The following SGCZ variants were observed in gnomAD, a reference collection of about 807,000 sequenced individuals.
The protein encoded by SGCZ is zeta-sarcoglycan.
SGCZ carries 40 observed loss-of-function variants against 41.3 expected under a neutral mutation model. That is an observed-to-expected ratio of 0.97 (90% CI 0.75 to 1.26). The LOEUF is 1.26. Ranked by LOEUF, SGCZ falls within the 50% of genes most tolerant of loss-of-function variation. The probability of loss-of-function intolerance (pLI) is 0.00; values close to 1 mark genes in which losing one functional copy is unlikely to be tolerated. For missense variants in SGCZ, 552 were observed against 369.8 expected (o/e 1.49, Z -4.04); for synonymous variants, 206 against 137.5 (o/e 1.50, Z -3.49).
chr8:14,843,975 G>A (rs1803013904), intron 1 of SGCZ, among the ~76,000 whole-genome samples: 1 of 151,398 alleles, frequency 6.6e-6, no homozygotes, highest in Non-Finnish European at 1.5e-5. Flanking sequence ...TCATGGGGAA[G>A]CTATGTTTTG....
At chr8:14,547,513 A>G (rs1803667999) in intron 2 of SGCZ, among the ~76,000 whole-genome samples, 1 of 152,186 alleles carries the variant, frequency 6.6e-6, no homozygotes, top group South Asian at 2.1e-4. Context: ...TCCTGGCAAA[A>G]TGTACCATAT....
chr8:14,375,629 A>G lies in SGCZ; in HGVS notation c.235-51425T>C, dbSNP rs1462463005. ...AAAAATCCTATTAAACAATACCTGG[A>G]TTTATGGCTGAAACAGAACATATAT... On this transcript the variant is annotated intron_variant, in intron 2 of 7. Coordinates refer to ENST00000382080, the MANE Select transcript of SGCZ (RefSeq NM_139167.4). Among the ~76,000 whole-genome samples, 3 of 152,202 alleles carry G rather than the reference A, an allele frequency of 2.0e-5. No individual in the cohort carries two copies. In the East Asian group the frequency reaches 5.8e-4, roughly 29 times the overall value.
chr8:14,419,495 C>T (rs1447903663), intron 2 of SGCZ, among the ~76,000 whole-genome samples: 1 of 151,820 alleles, frequency 6.6e-6, no homozygotes, highest in Non-Finnish European at 1.5e-5. Flanking sequence ...TATACTTTTG[C>T]TATGAGTTTT....
intron 1 of SGCZ, among the ~76,000 whole-genome samples, chr8:14,828,917 T>C (rs1485774483): frequency 6.6e-6 from 1 of 152,094 alleles, no homozygotes; most frequent in African/African-American, 2.4e-5. Flanking sequence ...TTAGTAGACA[T>C]CCATCTTAAC....
chr8:14,638,544 T>G (rs547792571), intron 1 of SGCZ, among the ~76,000 whole-genome samples: 2 of 151,836 alleles, frequency 1.3e-5, no homozygotes, highest in African/African-American at 4.8e-5. Context: ...ATAAACTCCT[T>G]AGCATATTGT....
chr8:14,727,279 A>C (rs991804581), intron 1 of SGCZ, among the ~76,000 whole-genome samples: 2 of 152,156 alleles, frequency 1.3e-5, no homozygotes, highest in Non-Finnish European at 2.9e-5. Context: ...GTAAGATTCT[A>C]TTTGAATACT....
At chr8:14,963,727 C>A (rs1801040982) in intron 1 of SGCZ, among the ~76,000 whole-genome samples, 1 of 152,112 alleles carries the variant, frequency 6.6e-6, no homozygotes, top group Non-Finnish European at 1.5e-5. Context: ...TGTTAAAATT[C>A]AAGAAAATGT....
chr8:14,142,912 C>T (rs1437727665), intron 5 of SGCZ, among the ~76,000 whole-genome samples: 1 of 151,854 alleles, frequency 6.6e-6, no homozygotes, highest in Non-Finnish European at 1.5e-5. Context: ...TCATAAGTTT[C>T]CTGAGACCTC....
chr8:14,101,776 TAA>T (rs879661919), intron 7 of SGCZ, among the ~76,000 whole-genome samples: 8 of 141,732 alleles, frequency 5.6e-5, no homozygotes, highest in Admixed American at 2.1e-4. Flanking sequence ...TAACAAGAAT[TAA>T]AAAAAAAAAA....
At chr8:14,995,192 A>T (rs1802172634) in intron 1 of SGCZ, among the ~76,000 whole-genome samples, 1 of 152,234 alleles carries the variant, frequency 6.6e-6, no homozygotes, top group African/African-American at 2.4e-5. Context: ...TTATCAGGAG[A>T]TGATTTGGTT....
chr8:15,078,734 T>A (rs1042928780), intron 1 of SGCZ, among the ~76,000 whole-genome samples: 14 of 151,970 alleles, frequency 9.2e-5, no homozygotes, highest in African/African-American at 3.4e-4. Context: ...CAAATATATA[T>A]ATACACACAT....
chr8:15,127,477 T>A (rs1451112914), intron 1 of SGCZ, among the ~76,000 whole-genome samples: 4 of 152,174 alleles, frequency 2.6e-5, no homozygotes, highest in Non-Finnish European at 5.9e-5. Context: ...TTGCAACATT[T>A]AAATTCATCT....
At chr8:14,363,239 C>T (rs970971309) in intron 2 of SGCZ, among the ~76,000 whole-genome samples, 1 of 152,084 alleles carries the variant, frequency 6.6e-6, no homozygotes, top group African/African-American at 2.4e-5. Context: ...ACTTTTCATA[C>T]CGTGCTATTT....
At chr8:14,878,512 C>G (rs528685976) in intron 1 of SGCZ, among the ~76,000 whole-genome samples, 1 of 152,158 alleles carries the variant, frequency 6.6e-6, no homozygotes, top group South Asian at 2.1e-4. Flanking sequence ...TTTCTGATAT[C>G]TGATTGGCTA....
chr8:14,538,841 C>G (rs745637292), intron 2 of SGCZ, among the ~76,000 whole-genome samples: 6 of 151,654 alleles, frequency 4.0e-5, no homozygotes, highest in Non-Finnish European at 7.4e-5. Flanking sequence ...TTAAGATAGA[C>G]CAAGTGTGCA....
intron 1 of SGCZ, among the ~76,000 whole-genome samples, chr8:14,803,190 A>G (rs952828281): frequency 3.9e-5 from 6 of 152,190 alleles, no homozygotes; most frequent in African/African-American, 1.4e-4. Flanking sequence ...AAGTGAAATA[A>G]TCACCTTTAA....
intron 1 of SGCZ, among the ~76,000 whole-genome samples, chr8:14,632,049 G>C (rs987432932): frequency 1.3e-5 from 1 of 79,634 alleles, no homozygotes; most frequent in Non-Finnish European, 2.8e-5. Flanking sequence ...ATAGGGTCTT[G>C]TTCTGTTGCA....
intron 4 of SGCZ, among the ~76,000 whole-genome samples, chr8:14,210,013 T>A (rs796764044): frequency 6.8e-6 from 1 of 147,010 alleles, no homozygotes; most frequent in East Asian, 2.0e-4. Context: ...CAGATTCTTA[T>A]GTTTGATACA....
chr8:14,354,364 GA>G (rs1205150813), intron 2 of SGCZ, among the ~76,000 whole-genome samples: 1 of 151,658 alleles, frequency 6.6e-6, no homozygotes, highest in Non-Finnish European at 1.5e-5. Flanking sequence ...GAAAAGCGTA[GA>G]AAAGAATTTT....
Sources: allele counts gnomAD v4.1 joint callset (sites outside exome capture counted in the v4.1 genomes callset), GRCh38; gene constraint gnomAD v4.1.1; transcripts MANE v1.5; gene names NCBI Gene and HGNC (gene_info 2026-07-23, HGNC 2026-07-21).